The following SMIM36 variants were observed in gnomAD, a reference collection of about 807,000 sequenced individuals.
SMIM36 encodes the protein small integral membrane protein 36.
At chr17:55,496,161 G>C (rs1275479418) in intron 1 of SMIM36, among the ~76,000 whole-genome samples, 3 of 152,194 alleles carry the variant, frequency 2.0e-5, no homozygotes, top group Non-Finnish European at 4.4e-5. Flanking sequence ...TTTCCGCTGA[G>C]CCACTCTTGG....
chr17:55,469,546 G>A (rs539819060), intron 3 of SMIM36, among the ~76,000 whole-genome samples: 3 of 152,198 alleles, frequency 2.0e-5, no homozygotes, highest in African/African-American at 4.8e-5. Context: ...TCCAGCTTTT[G>A]AACCCCACAG....
chr17:55,500,729 G>GTA (rs1909895500), intron 1 of SMIM36, among the ~76,000 whole-genome samples: 1 of 68,612 alleles, frequency 1.5e-5, no homozygotes, highest in Non-Finnish European at 2.4e-5. Flanking sequence ...ATTTTTAAAA[G>GTA]AACATTCATT....
upstream of SMIM36, among the ~76,000 whole-genome samples, chr17:55,515,440 C>T (rs1255944974): frequency 6.6e-6 from 1 of 152,132 alleles, no homozygotes; most frequent in Non-Finnish European, 1.5e-5. Flanking sequence ...TCCCCTCAAA[C>T]TCATCCACCT....
chr17:55,513,243 T>C (rs968276175), upstream of SMIM36, among the ~76,000 whole-genome samples: 8 of 152,114 alleles, frequency 5.3e-5, no homozygotes, highest in African/African-American at 1.9e-4. Flanking sequence ...TGGAGAATCA[T>C]GGCTATAAAA....
chr17:55,488,423 A>C (rs555215062), intron 1 of SMIM36, among the ~76,000 whole-genome samples: 2 of 152,232 alleles, frequency 1.3e-5, no homozygotes. Flanking sequence ...AGCATAAAGA[A>C]GAACATTTTT....
the SMIM36 span, among the ~76,000 whole-genome samples, chr17:55,530,969 C>T: frequency 2.0e-5 from 3 of 152,110 alleles, no homozygotes; most frequent in Non-Finnish European, 4.4e-5. Context: ...CTATTTAAGC[C>T]TACCTAATAA....
chr17:55,465,779 G>T (rs1909225756), intron 4 of SMIM36, among the ~76,000 whole-genome samples: 1 of 152,058 alleles, frequency 6.6e-6, no homozygotes, highest in African/African-American at 2.4e-5. Flanking sequence ...GGCTATTAGG[G>T]GTTCCCAAAC....
intron 3 of SMIM36, among the ~76,000 whole-genome samples, chr17:55,475,567 G>A (rs1909413761): frequency 6.6e-6 from 1 of 152,134 alleles, no homozygotes; most frequent in Non-Finnish European, 1.5e-5. Flanking sequence ...GAAGAAAGAG[G>A]ACTGTGTATA....
chr17:55,450,641 A>G (rs1249009063), intron 4 of SMIM36, among the ~76,000 whole-genome samples: 1 of 152,182 alleles, frequency 6.6e-6, no homozygotes, highest in South Asian at 2.1e-4. Flanking sequence ...ACCCGGGTGC[A>G]ATACCCAGAT....
chr17:55,525,558 C>T, the SMIM36 span, among the ~76,000 whole-genome samples: 3 of 152,160 alleles, frequency 2.0e-5, no homozygotes, highest in Admixed American at 2.0e-4. Context: ...AACTTTTCAC[C>T]AGTTTTGTGT....
chr17:55,491,287 AT>A (rs1909701482), intron 1 of SMIM36, among the ~76,000 whole-genome samples: 1 of 151,610 alleles, frequency 6.6e-6, no homozygotes, highest in Admixed American at 6.6e-5. Context: ...CAGAAAAAAA[AT>A]CTTCAAATAT....
chr17:55,496,009 C>A (rs1374339034), intron 1 of SMIM36, among the ~76,000 whole-genome samples: 1 of 152,116 alleles, frequency 6.6e-6, no homozygotes, highest in South Asian at 2.1e-4. Flanking sequence ...ATGACTGCTG[C>A]GTATACATTT....
intron 3 of SMIM36, among the ~76,000 whole-genome samples, chr17:55,473,472 C>T (rs566421817): frequency 2.5e-4 from 38 of 152,244 alleles, no homozygotes; most frequent in Admixed American, 1.8e-3. Context: ...CCTGATTTGG[C>T]CCCCCTACTT....
At chr17:55,520,888 T>C in the SMIM36 span, among the ~76,000 whole-genome samples, 32 of 152,156 alleles carry the variant, frequency 2.1e-4, no homozygotes, top group Non-Finnish European at 7.4e-5. Flanking sequence ...CCCAGCATTT[T>C]GGGAGGCCAA....
the SMIM36 span, among the ~76,000 whole-genome samples, chr17:55,521,195 T>C: frequency 1.3e-5 from 2 of 152,290 alleles, no homozygotes; most frequent in South Asian, 2.1e-4. Context: ...AAGGAAAAGA[T>C]GAGTAGAGCT....
intron 1 of SMIM36, among the ~76,000 whole-genome samples, chr17:55,507,651 T>C (rs1327762002): frequency 5.8e-5 from 8 of 137,840 alleles, no homozygotes; most frequent in East Asian, 2.2e-4. Context: ...GTGGGTGCAG[T>C]GCACCAGCAT....
chr17:55,519,107 C>G, the SMIM36 span, among the ~76,000 whole-genome samples: 11 of 151,138 alleles, frequency 7.3e-5, no homozygotes, highest in African/African-American at 2.7e-4. Flanking sequence ...GTTATTTTGA[C>G]AAAAAGGAAG....
intron 3 of SMIM36, among the ~76,000 whole-genome samples, chr17:55,470,245 C>T (rs1383601556): frequency 2.6e-5 from 4 of 152,162 alleles, no homozygotes; most frequent in African/African-American, 4.8e-5. Flanking sequence ...CTGACTCCTT[C>T]CCCACCGATC....
Position 55,501,061 on chromosome 17 carries a change from T to TATTA in SMIM36, c.*174+9817_*174+9818insTAAT, listed in dbSNP as rs1178914816. ...ATTATATATTATAATATATAATATA[T>TATTA]TATTATATATTATAATATATAATAT... On this transcript the variant is annotated intron_variant, in intron 1 of 4. Transcript: ENST00000636752. 1.7e-3 allele frequency among the ~76,000 whole-genome samples: 4 copies of TATTA among 2,350 alleles called. 2 individuals are homozygous for TATTA. The highest frequency in any genetic ancestry group is 2.4e-3 in the Non-Finnish European group (4 of 1,664). 1.5% of individuals were successfully genotyped at this position (2,350 alleles called of 152,430 possible). A position where few individuals can be genotyped will look rare whatever the true frequency, so the allele number is the denominator to read the frequency against.
Sources: gnomAD v4.1 joint callset for allele counts (sites outside exome capture counted in the v4.1 genomes callset) on GRCh38, gnomAD v4.1.1 for gene constraint, MANE v1.5 for transcripts, NCBI Gene and HGNC (gene_info 2026-07-23, HGNC 2026-07-21) for gene names.